LYSMD2: variants seen among roughly 807,000 people sequenced by gnomAD.
The protein encoded by LYSMD2 is LysM domain containing 2.
A neutral mutation model predicts 17.7 loss-of-function variants in LYSMD2; 6 were observed. The observed-to-expected ratio is 0.34, with a 90% CI of 0.19 to 0.67. The LOEUF (loss-of-function observed/expected upper bound fraction) is 0.67. Among genes scored for constraint, LYSMD2 ranks in the 30% least tolerant of loss-of-function variants. The pLI is 0.69. For synonymous variants in LYSMD2, 102 were observed against 129.8 expected (o/e 0.79, Z 1.45); for missense variants, 237 against 286.7 (o/e 0.83, Z 1.25).
At chr15:51,741,516 A>G (rs578174726), upstream of LYSMD2, among the ~76,000 whole-genome samples, 37 of 152,364 alleles carry the variant, frequency 2.4e-4, no homozygotes, top group African/African-American at 8.2e-4. Flanking sequence ...GTATAATTCA[A>G]TGCTTTTCTG....
intron 1 of LYSMD2, chr15:51,751,213 C>G: frequency 4.3e-6 from 3 of 700,226 alleles, no homozygotes; most frequent in South Asian, 3.0e-5. Context: ...AACCCAACTA[C>G]TCTCTCCTCC....
At chr15:51,751,248 C>A (rs1290794821) in intron 1 of LYSMD2, 4 of 701,770 alleles carry the variant, frequency 5.7e-6, no homozygotes, top group Non-Finnish European at 1.0e-5. Flanking sequence ...GCCAGGAAAA[C>A]CTGGGGCGGG....
chr15:51,731,700 T>C (rs973625561), intron 1 of LYSMD2, among the ~76,000 whole-genome samples: 2 of 152,178 alleles, frequency 1.3e-5, no homozygotes, highest in African/African-American at 4.8e-5. Context: ...TCCACCTGGC[T>C]GCCTCCTTTC....
upstream of LYSMD2, among the ~76,000 whole-genome samples, chr15:51,742,057 C>T (rs1187717682): frequency 1.6e-4 from 24 of 150,206 alleles, no homozygotes; most frequent in African/African-American, 5.9e-4. Context: ...TTTTTTGAGA[C>T]GGAGTCTCGC....
chr15:51,729,614 A>G lies in LYSMD2; in HGVS notation c.274-4493T>C, dbSNP rs193112507. 5.9e-5 allele frequency among the ~76,000 whole-genome samples: 9 copies of G among 152,276 alleles called. No individual in the cohort carries two copies. In the East Asian group the frequency reaches 1.5e-3, roughly 26 times the overall value. ...GCTGGGATTACAGGTGCATGCCACC[A>G]TGCCTGGCTAATTGTTTGTATTTTT... On this transcript the variant is annotated intron_variant, in intron 1 of 2. Transcript: ENST00000267838.
At chr15:51,747,449 C>T (rs1208405803) in intron 1 of LYSMD2, among the ~76,000 whole-genome samples, 2 of 152,190 alleles carry the variant, frequency 1.3e-5, no homozygotes, top group African/African-American at 2.4e-5. Context: ...CGAGATCACG[C>T]CATTGCACTC....
intron 1 of LYSMD2, among the ~76,000 whole-genome samples, chr15:51,749,103 T>C (rs1567231828): frequency 6.6e-6 from 1 of 152,198 alleles, no homozygotes; most frequent in Non-Finnish European, 1.5e-5. Flanking sequence ...TACATTTTCA[T>C]CTTCTAAAAA....
intron 2 of LYSMD2, 41 bp from the exon 3 acceptor site, chr15:51,723,690 T>C (rs1030562266): frequency 2.0e-5 from 29 of 1,458,074 alleles, no homozygotes; most frequent in Non-Finnish European, 2.6e-5. Context: ...AGTTTAGAAC[T>C]GTATGCAGAA....
chr15:51,728,948 A>G lies in LYSMD2; in HGVS notation c.274-3827T>C, dbSNP rs564930908. Among the ~76,000 whole-genome samples the G allele has an allele frequency of 1.2e-4, 19 of 152,350 alleles. 1 individual carries two copies. In the South Asian group the frequency reaches 3.9e-3, roughly 32 times the overall value. Reference sequence around the variant, plus strand: ...CTCACATGGATAAGCCCAGATGAATACCATAATATATCATCACTGCTTTGA... The same window carrying G: ...CTCACATGGATAAGCCCAGATGAATGCCATAATATATCATCACTGCTTTGA... On this transcript the variant is annotated intron_variant, in intron 1 of 2. Transcript: ENST00000267838.
At chr15:51,749,430 G>A (rs1206600677) in intron 1 of LYSMD2, among the ~76,000 whole-genome samples, 1 of 152,208 alleles carries the variant, frequency 6.6e-6, no homozygotes, top group Non-Finnish European at 1.5e-5. Flanking sequence ...TGGCTCTGGG[G>A]CTGTAGGATA....
chr15:51,724,210 A>C (rs7166962), intron 2 of LYSMD2, among the ~76,000 whole-genome samples: 62,018 of 151,900 alleles, frequency 0.41, 12,910 homozygotes, highest in Admixed American at 0.52. Flanking sequence ...AAAGGAAACC[A>C]ATTCTATAGG....
chr15:51,735,643 T>A (rs1047715362), intron 1 of LYSMD2, among the ~76,000 whole-genome samples: 1 of 152,220 alleles, frequency 6.6e-6, no homozygotes, highest in Non-Finnish European at 1.5e-5. Flanking sequence ...TGATCTACAC[T>A]TTAATTTTAA....
rs1465961617 is a variant in LYSMD2, at chr15:51,723,017, T to C, written c.*590A>G. 1.3e-5 allele frequency: 2 copies of C among 152,040 alleles called. No homozygotes were observed. Among genetic ancestry groups the C allele is most frequent in the African/African-American group, 2.4e-5 (1 of 41,422 alleles). 9.4% of individuals were successfully genotyped at this position (152,040 alleles called of 1,614,324 possible). A position where few individuals can be genotyped will look rare whatever the true frequency, so the allele number is the denominator to read the frequency against. On this transcript the variant is annotated 3_prime_UTR_variant, in exon 3 of 3. Coordinates refer to ENST00000267838, the MANE Select transcript of LYSMD2 (RefSeq NM_153374.3). ...AGCTGTCAGCATTTAAATGTATAAT[T>C]TAAAAGTCAATTTTATTTTCTCATT... is the stretch of plus-strand genomic sequence containing the variant.
At position 51,737,248 on chromosome 15, in the gene LYSMD2, ACCCCCACCCGCAGTCCC is replaced by A; in HGVS notation, c.273+85_273+101del. 3.5e-5 allele frequency: 9 copies of A among 256,454 alleles called. No homozygotes were observed. The highest frequency in any genetic ancestry group is 4.8e-5 in the Non-Finnish European group (7 of 145,478). The allele number at this position is 256,454 out of a possible 1,614,324, so 15.9% of individuals were successfully genotyped here. On this transcript the variant is annotated intron_variant, in intron 1 of 2. Coordinates refer to ENST00000267838, the MANE Select transcript of LYSMD2 (RefSeq NM_153374.3). The surrounding 1 kb of genome is among the most constrained non-coding windows in gnomAD (Gnocchi z 4.2). ...GTCCCTGCGACTCCCCATCCCCCAA[ACCCCCACCCGCAGTCCC>A]ACCCCCACCCCCACCGCACCCCGAG...
intron 1 of LYSMD2, among the ~76,000 whole-genome samples, chr15:51,727,467 C>T (rs1774142277): frequency 6.6e-6 from 1 of 152,220 alleles, no homozygotes; most frequent in Non-Finnish European, 1.5e-5. Context: ...GGTGCTTCAA[C>T]TTCCCTTGTT....
chr15:51,749,586 C>T (rs900552818), intron 1 of LYSMD2, among the ~76,000 whole-genome samples: 5 of 152,336 alleles, frequency 3.3e-5, no homozygotes, highest in East Asian at 3.9e-4. Context: ...CCACGGGAAA[C>T]CAAAGAGAAA....
upstream of LYSMD2, chr15:51,737,824 C>T (rs1233743125): frequency 9.0e-6 from 3 of 332,860 alleles, no homozygotes; most frequent in African/African-American, 4.3e-5. This position sits in a 1 kb window ranked among gnomAD's most constrained non-coding sequence, Gnocchi z 4.2. Context: ...GCCCCGGGCG[C>T]CCGCGGCACA....
At chr15:51,738,348 C>A (rs1301326367), upstream of LYSMD2, among the ~76,000 whole-genome samples, 1 of 152,126 alleles carries the variant, frequency 6.6e-6, no homozygotes, top group Non-Finnish European at 1.5e-5. Flanking sequence ...TACACTAGTG[C>A]CAATTTAAGT....
chr15:51,732,150 G>C (rs2055581047), intron 1 of LYSMD2, among the ~76,000 whole-genome samples: 1 of 152,174 alleles, frequency 6.6e-6, no homozygotes, highest in African/African-American at 2.4e-5. Flanking sequence ...ACAGATTTGA[G>C]AATGAGCCTC....
Sources: allele counts gnomAD v4.1 joint callset (sites outside exome capture counted in the v4.1 genomes callset), GRCh38; gene constraint gnomAD v4.1.1; non-coding constraint Gnocchi (gnomAD v3.1); transcripts MANE v1.5; gene names NCBI Gene and HGNC (gene_info 2026-07-23, HGNC 2026-07-21).